The following NAALADL2 variants were observed in gnomAD, a reference collection of about 807,000 sequenced individuals.
NAALADL2 encodes N-acetylated alpha-linked acidic dipeptidase like 2, also known as inactive N-acetylated-alpha-linked acidic dipeptidase-like protein 2.
In NAALADL2, 76 loss-of-function variants were observed where a neutral mutation model predicts 87.2. That is an observed-to-expected ratio of 0.87 (90% CI 0.72 to 1.05). The LOEUF (loss-of-function observed/expected upper bound fraction) is 1.05. Ranked by LOEUF, NAALADL2 falls within the 50% of genes least tolerant of loss-of-function variation. The probability of loss-of-function intolerance (pLI) is 0.00; values close to 1 mark genes in which losing one functional copy is unlikely to be tolerated. For synonymous variants in NAALADL2, 354 were observed against 331.0 expected (o/e 1.07, Z -0.75); for missense variants, 1,089 against 945.8 (o/e 1.15, Z -1.99).
At chr3:174,996,579 C>T (rs1747496119) in intron 1 of NAALADL2, among the ~76,000 whole-genome samples, 1 of 152,012 alleles carries the variant, frequency 6.6e-6, no homozygotes, top group African/African-American at 2.4e-5. Flanking sequence ...GCTGCTCCTA[C>T]TTCTTGAGTT....
intron 2 of NAALADL2, among the ~76,000 whole-genome samples, chr3:174,642,913 G>A (rs1015439571): frequency 1.3e-5 from 2 of 151,838 alleles, no homozygotes; most frequent in Admixed American, 1.3e-4. Context: ...TTCCTGCGTA[G>A]CTGGGACTAT....
intron 5 of NAALADL2, among the ~76,000 whole-genome samples, chr3:175,334,582 T>C (rs1164825256): frequency 3.3e-5 from 5 of 152,232 alleles, no homozygotes; most frequent in Non-Finnish European, 7.3e-5. Flanking sequence ...ATTTATCCTT[T>C]GATTTTACAT....
At chr3:175,072,313 A>G (rs1715796336) in intron 1 of NAALADL2, among the ~76,000 whole-genome samples, 1 of 152,088 alleles carries the variant, frequency 6.6e-6, no homozygotes, top group Non-Finnish European at 1.5e-5. Flanking sequence ...TTAAATAACC[A>G]CTTTCAAAAG....
intron 3 of NAALADL2, among the ~76,000 whole-genome samples, chr3:174,803,971 T>C (rs569564855): frequency 6.6e-6 from 1 of 152,314 alleles, no homozygotes; most frequent in Non-Finnish European, 1.5e-5. Context: ...TGGTTCCATA[T>C]GAACTTTAAA....
intron 5 of NAALADL2, among the ~76,000 whole-genome samples, chr3:175,337,706 T>C (rs563387588): frequency 7.9e-5 from 12 of 152,144 alleles, no homozygotes; most frequent in Non-Finnish European, 1.5e-4. Context: ...AGCAAACTAA[T>C]ACAAAAACAA....
At chr3:175,695,396 A>G (rs1737632860) in intron 11 of NAALADL2, among the ~76,000 whole-genome samples, 1 of 152,132 alleles carries the variant, frequency 6.6e-6, no homozygotes, top group African/African-American at 2.4e-5. Context: ...TCCTTCCATC[A>G]GAATATTCTC....
intron 5 of NAALADL2, among the ~76,000 whole-genome samples, chr3:175,359,392 A>G (rs1341741822): frequency 6.6e-6 from 1 of 152,122 alleles, no homozygotes; most frequent in Non-Finnish European, 1.5e-5. Context: ...AATTAGAACA[A>G]CAATGGCAAT....
chr3:175,289,701 C>T (rs1259329405), intron 4 of NAALADL2, among the ~76,000 whole-genome samples: 1 of 152,076 alleles, frequency 6.6e-6, no homozygotes, highest in Non-Finnish European at 1.5e-5. Flanking sequence ...ATTGCTGCGC[C>T]TGTAGTCCCA....
chr3:175,499,334 T>C (rs188585814), intron 9 of NAALADL2, among the ~76,000 whole-genome samples: 163 of 152,242 alleles, frequency 1.1e-3, no homozygotes, highest in Admixed American at 2.8e-3. Flanking sequence ...ACATTTAAAC[T>C]TTACTTAGGA....
chr3:174,853,016 A>T (rs2109485940), intron 3 of NAALADL2, among the ~76,000 whole-genome samples: 1 of 152,084 alleles, frequency 6.6e-6, no homozygotes, highest in Non-Finnish European at 1.5e-5. Flanking sequence ...ATGCATAAAA[A>T]TTAAACTAGA....
chr3:175,601,874 A>C (rs1188818274), intron 10 of NAALADL2, among the ~76,000 whole-genome samples: 1 of 152,196 alleles, frequency 6.6e-6, no homozygotes, highest in Admixed American at 6.5e-5. Flanking sequence ...ATATTGTAGA[A>C]ATATTTACCA....
At chr3:175,707,902 G>A (rs1739952532) in intron 11 of NAALADL2, among the ~76,000 whole-genome samples, 1 of 151,938 alleles carries the variant, frequency 6.6e-6, no homozygotes, top group East Asian at 1.9e-4. Context: ...GCCAAAGGGA[G>A]AATATAGCAC....
chr3:174,658,502 A>G (rs917331994), intron 2 of NAALADL2, among the ~76,000 whole-genome samples: 1 of 151,792 alleles, frequency 6.6e-6, no homozygotes, highest in Non-Finnish European at 1.5e-5. Context: ...TTTTTTGTAT[A>G]TTTTGTGTAA....
chr3:175,665,187 G>T (rs1732788390), intron 11 of NAALADL2, among the ~76,000 whole-genome samples: 1 of 152,190 alleles, frequency 6.6e-6, no homozygotes, highest in Non-Finnish European at 1.5e-5. Context: ...ATAAGAAAAT[G>T]AGATTGGTGT....
intron 2 of NAALADL2, among the ~76,000 whole-genome samples, chr3:174,606,041 C>T (rs1333382423): frequency 6.6e-6 from 1 of 152,222 alleles, no homozygotes; most frequent in Non-Finnish European, 1.5e-5. Flanking sequence ...GCCACCGCTG[C>T]TGATACCCAG....
chr3:174,724,388 A>T (rs1273555023), intron 2 of NAALADL2, among the ~76,000 whole-genome samples: 1 of 152,178 alleles, frequency 6.6e-6, no homozygotes, highest in Non-Finnish European at 1.5e-5. Flanking sequence ...ATTTTGAGAT[A>T]ATCTCTAAAA....
chr3:174,678,000 G>T (rs1301438681), intron 2 of NAALADL2, among the ~76,000 whole-genome samples: 2 of 152,114 alleles, frequency 1.3e-5, no homozygotes, highest in Non-Finnish European at 2.9e-5. Context: ...CCTCAACTGG[G>T]CTTGTGGGAT....
chr3:175,248,050 C>G (rs557944374), intron 3 of NAALADL2, among the ~76,000 whole-genome samples: 2 of 152,332 alleles, frequency 1.3e-5, no homozygotes, highest in East Asian at 1.9e-4. Context: ...GGGCCCCTGC[C>G]TTTCCTTTTA....
At chr3:174,617,944 G>A (rs893983226) in intron 2 of NAALADL2, among the ~76,000 whole-genome samples, 20 of 151,686 alleles carry the variant, frequency 1.3e-4, no homozygotes, top group Admixed American at 6.6e-5. Flanking sequence ...AAAAAGGATC[G>A]TAACTAGTTA....
Sources: gnomAD v4.1 joint callset for allele counts (sites outside exome capture counted in the v4.1 genomes callset) on GRCh38, gnomAD v4.1.1 for gene constraint, MANE v1.5 for transcripts, NCBI Gene and HGNC (gene_info 2026-07-23, HGNC 2026-07-21) for gene names.